ATP8B4: variants seen among roughly 807,000 people sequenced by gnomAD.
ATP8B4 encodes the protein ATPase phospholipid transporting 8B4 (putative), also known as probable phospholipid-transporting ATPase IM.
In ATP8B4, 133 loss-of-function variants were observed where a neutral mutation model predicts 145.6. The observed-to-expected ratio is 0.91, with a 90% CI of 0.79 to 1.05. The LOEUF (loss-of-function observed/expected upper bound fraction) is 1.05. Among genes scored for constraint, ATP8B4 ranks in the 50% least tolerant of loss-of-function variants. The pLI is 0.00. For synonymous variants in ATP8B4, 507 were observed against 492.9 expected (o/e 1.03, Z -0.38); for missense variants, 1,458 against 1,425.2 (o/e 1.02, Z -0.37).
chr15:50,143,151 A>T lies in ATP8B4; in HGVS notation c.-42-36143T>A, dbSNP rs115814940. Reference sequence around the variant, plus strand: ...TCTAGTTGGCTGCCAAAACTGTGCCATCAGAGGCTTGATGTTGTATTATCT... The same window carrying T: ...TCTAGTTGGCTGCCAAAACTGTGCCTTCAGAGGCTTGATGTTGTATTATCT... On this transcript the variant is annotated intron_variant, in intron 1 of 3. Coordinates refer to the ATP8B4 transcript ENST00000558829. 9.3e-3 allele frequency among the ~76,000 whole-genome samples: 1,412 copies of T among 152,334 alleles called. 28 individuals are homozygous for T. Among genetic ancestry groups the T allele is most frequent in the African/African-American group, 0.032 (1,340 of 41,580 alleles).
chr15:50,074,007 G>A (rs1424889721), intron 3 of ATP8B4, 120 bp downstream of exon 3: 5 of 711,840 alleles, frequency 7.0e-6, no homozygotes, highest in African/African-American at 1.8e-5. Flanking sequence ...TCACCTTGCT[G>A]TCAAAATGGG....
intron 25 of ATP8B4, among the ~76,000 whole-genome samples, chr15:49,874,432 G>A (rs2034091203): frequency 6.6e-6 from 1 of 152,206 alleles, no homozygotes; most frequent in African/African-American, 2.4e-5. Context: ...AAAAGCCAGT[G>A]TGGCTGGGGC....
intron 23 of ATP8B4, among the ~76,000 whole-genome samples, chr15:49,893,311 G>T (rs1782005668): frequency 6.6e-6 from 1 of 152,094 alleles, no homozygotes; most frequent in African/African-American, 2.4e-5. Context: ...GGAAGAAATA[G>T]AATTTACTGG....
chr15:50,056,100 C>T (rs559670005), intron 3 of ATP8B4, among the ~76,000 whole-genome samples: 36 of 151,452 alleles, frequency 2.4e-4, no homozygotes, highest in Middle Eastern at 6.8e-3. Flanking sequence ...CTCATCATCA[C>T]CACCACCACC....
intron 12 of ATP8B4, among the ~76,000 whole-genome samples, chr15:49,978,853 G>A (rs2045918542): frequency 6.6e-6 from 1 of 150,454 alleles, no homozygotes; most frequent in African/African-American, 2.4e-5. Context: ...TTCTGTTTGT[G>A]TGCATAGACA....
At chr15:49,902,507 T>C (rs142442415) in intron 20 of ATP8B4, among the ~76,000 whole-genome samples, 199 of 152,304 alleles carry the variant, frequency 1.3e-3, no homozygotes, top group Admixed American at 0.012. Context: ...AAGACCAAAA[T>C]CACATCTGCA....
At chr15:49,988,480 G>A (rs1292624595) in intron 9 of ATP8B4, among the ~76,000 whole-genome samples, 1 of 152,060 alleles carries the variant, frequency 6.6e-6, no homozygotes, top group Non-Finnish European at 1.5e-5. Context: ...AGAGAGGGGA[G>A]ATATGAAAAA....
intron 1 of ATP8B4, among the ~76,000 whole-genome samples, chr15:50,116,160 G>A (rs976327387): frequency 3.3e-5 from 5 of 152,178 alleles, no homozygotes; most frequent in East Asian, 3.9e-4. Context: ...GCTCATGCCC[G>A]TAATTCCAGC....
At chr15:50,147,062 G>A (rs571847915) in intron 1 of ATP8B4, among the ~76,000 whole-genome samples, 13 of 152,264 alleles carry the variant, frequency 8.5e-5, no homozygotes, top group African/African-American at 2.4e-4. Flanking sequence ...GGAAGAAGAC[G>A]CAAACTCTTT....
chr15:50,113,112 C>G (rs151295800), intron 1 of ATP8B4: 2,382 of 152,550 alleles, frequency 0.016, 14 homozygotes, highest in Non-Finnish European at 0.023. Context: ...AGAGCAAAGC[C>G]TCAGAGAGTC....
chr15:49,897,260 A>C, intron 23 of ATP8B4, 32 bp downstream of exon 23: 1 of 1,551,780 alleles, frequency 6.4e-7, no homozygotes, highest in Non-Finnish European at 8.8e-7. Context: ...ACAAACAAAC[A>C]AACAAACAAA....
At chr15:50,049,544 T>C (rs1408817181) in intron 3 of ATP8B4, among the ~76,000 whole-genome samples, 4 of 152,214 alleles carry the variant, frequency 2.6e-5, no homozygotes, top group African/African-American at 9.6e-5. Flanking sequence ...CTTTATCCAG[T>C]CCACCATTGA....
chr15:49,972,878 A>G, intron 12 of ATP8B4, 88 bp from the exon 13 acceptor site: 1 of 1,338,148 alleles, frequency 7.5e-7, no homozygotes, highest in South Asian at 1.4e-5. Context: ...AAGTCTGCCA[A>G]AGTCTCCAGG....
intron 3 of ATP8B4, among the ~76,000 whole-genome samples, chr15:50,057,435 G>C (rs1886217967): frequency 1.3e-5 from 2 of 152,186 alleles, no homozygotes; most frequent in African/African-American, 4.8e-5. Flanking sequence ...TCAGAAACTA[G>C]GAAGTCTCTA....
At chr15:50,041,672 G>C (rs141492386) in intron 5 of ATP8B4, among the ~76,000 whole-genome samples, 10 of 152,308 alleles carry the variant, frequency 6.6e-5, no homozygotes, top group African/African-American at 2.4e-4. Context: ...GGCCAGGCAT[G>C]GTGGCTCATG....
intron 1 of ATP8B4, among the ~76,000 whole-genome samples, chr15:50,178,036 GGTGTCA>G (rs1221035990): frequency 6.6e-6 from 1 of 152,138 alleles, no homozygotes; most frequent in Non-Finnish European, 1.5e-5. Flanking sequence ...AAGGCTAGAA[GGTGTCA>G]GTATGCACAC....
At chr15:50,172,904 C>T (rs576730922) in intron 1 of ATP8B4, among the ~76,000 whole-genome samples, 70 of 151,480 alleles carry the variant, frequency 4.6e-4, no homozygotes, top group African/African-American at 1.5e-3. Context: ...CCCCTCCGTC[C>T]GGCAGCCGCC....
At chr15:49,979,020 G>GT (rs2045933171) in intron 12 of ATP8B4, among the ~76,000 whole-genome samples, 1 of 152,006 alleles carries the variant, frequency 6.6e-6, no homozygotes, top group Non-Finnish European at 1.5e-5. Flanking sequence ...CATACTTATA[G>GT]TTACTAATAA....
chr15:49,977,609 TA>T (rs1023500911), intron 12 of ATP8B4, among the ~76,000 whole-genome samples: 12 of 152,124 alleles, frequency 7.9e-5, no homozygotes, highest in African/African-American at 2.9e-4. Flanking sequence ...ATAAATGAGA[TA>T]AAGTATGTGG....
Sources: gnomAD v4.1 joint callset for allele counts (sites outside exome capture counted in the v4.1 genomes callset) on GRCh38, gnomAD v4.1.1 for gene constraint, MANE v1.5 for transcripts, NCBI Gene and HGNC (gene_info 2026-07-23, HGNC 2026-07-21) for gene names.